TJP3: variants seen among roughly 807,000 people sequenced by gnomAD.
TJP3 encodes tight junction protein ZO-3.
TJP3 carries 85 observed loss-of-function variants against 104.2 expected under a neutral mutation model. The ratio of observed to expected loss-of-function variants is 0.82; its 90% confidence interval spans 0.68 to 0.98. The LOEUF is 0.98. TJP3 is among the 50% of genes least tolerant of loss of function. The pLI, the probability that TJP3 is intolerant of heterozygous loss-of-function variation, is 0.00. For synonymous variants in TJP3, 550 were observed against 550.6 expected (o/e 1.00, Z 0.02); for missense variants, 1,367 against 1,322.8 (o/e 1.03, Z -0.52).
intron 1 of TJP3, among the ~76,000 whole-genome samples, chr19:3,717,507 C>T (rs1177073804): frequency 6.6e-6 from 1 of 151,542 alleles, no homozygotes; most frequent in Non-Finnish European, 1.5e-5. Flanking sequence ...GTGATCTCAG[C>T]TCACTGCAAC....
At chr19:3,718,210 AAAG>A (rs2036503810) in intron 1 of TJP3, among the ~76,000 whole-genome samples, 2 of 89,818 alleles carry the variant, frequency 2.2e-5, no homozygotes, top group East Asian at 3.1e-4. Flanking sequence ...AAAAAAAAAA[AAAG>A]TGTGTGTGTG....
intron 3 of TJP3, among the ~76,000 whole-genome samples, chr19:3,729,439 G>C (rs2036640293): frequency 6.6e-6 from 1 of 152,104 alleles, no homozygotes; most frequent in South Asian, 2.1e-4. Context: ...AGCAGAAAGT[G>C]GGGATTTGTG....
rs1376669014 is a variant in TJP3, at chr19:3,716,808, T to A, written c.-10+8247T>A. ...ATATATATATATATATATATTTTTT[T>A]TTTTTTTTTGAAACAGAGTCTCAGT... On this transcript the variant is annotated intron_variant, in intron 1 of 20. Coordinates refer to ENST00000541714, the MANE Select transcript of TJP3 (RefSeq NM_001267560.2). Among the ~76,000 whole-genome samples, 76 of 132,874 alleles carry A rather than the reference T, an allele frequency of 5.7e-4. 1 individual carries two copies. The highest frequency in any genetic ancestry group is 3.8e-3 in the Middle Eastern group (1 of 266). The allele number at this position is 132,874 out of a possible 152,430, so 87.2% of individuals were successfully genotyped here.
In TJP3 at chr19:3,708,495, G is replaced by A. The variant is rs893958056; in HGVS notation, c.-76G>A. 1.3e-5 allele frequency: 2 copies of A among 152,174 alleles called. No homozygotes were observed. The highest frequency in any genetic ancestry group is 2.9e-5 in the Non-Finnish European group (2 of 68,046). 9.4% of individuals were successfully genotyped at this position (152,174 alleles called of 1,614,324 possible). On this transcript the variant is annotated 5_prime_UTR_variant, in exon 1 of 21. The change creates a new upstream start codon in the 5' untranslated region. Transcript: ENST00000541714. ...GCCTCGGGTTCCCTCCCCACCACCC[G>A]TGCCAGGCAGGCACCCGGGCCCTGG...
At chr19:3,748,187 A>G in intron 19 of TJP3, 106 bp downstream of exon 19, 1 of 1,375,186 alleles carries the variant, frequency 7.3e-7, no homozygotes. Context: ...GTCAACAAAC[A>G]CGGCTTCCCT....
intron 1 of TJP3, among the ~76,000 whole-genome samples, chr19:3,721,010 C>T (rs1376856926): frequency 6.7e-6 from 1 of 149,604 alleles, no homozygotes; most frequent in East Asian, 2.0e-4. Flanking sequence ...CGGGTTCAAC[C>T]GATTCTCCTT....
rs1441076982 is a variant in TJP3 at position 3,746,875 on chromosome 19, A to G, written c.2321A>G (p.Gln774Arg). ...CGGCCCATCTGGACGGCGGAAGATCAGGTACTGCCGCGGTGTGGGTGGGTC... is the reference window on the plus strand; with the variant it reads ...CGGCCCATCTGGACGGCGGAAGATCGGGTACTGCCGCGGTGTGGGTGGGTC... ...QTRPIWTAED[Q>R]LDGSLEDNLD... The change falls in exon 18 of 21, where the codon CAG (glutamine) becomes CGG (arginine). Residue 774 changes from glutamine to arginine, a missense_variant and splice_region_variant. Gln to Arg is a conservative substitution (Grantham distance 43). Transcript: ENST00000541714. This position sits in a 1 kb window ranked among gnomAD's most constrained non-coding sequence, Gnocchi z 4.1. The G allele has an allele frequency of 3.4e-6, 4 of 1,188,284 alleles. No homozygotes were observed. Among genetic ancestry groups the G allele is most frequent in the Admixed American group, 1.9e-5 (1 of 52,090 alleles). 73.6% of individuals were successfully genotyped at this position (1,188,284 alleles called of 1,614,324 possible).
chr19:3,716,345 T>C lies in TJP3; in HGVS notation c.-10+7784T>C, dbSNP rs188477062. Among the ~76,000 whole-genome samples the C allele has an allele frequency of 1.7e-3, 254 of 148,644 alleles. 8 individuals carry two copies. Among genetic ancestry groups the C allele is most frequent in the African/African-American group, 5.5e-3 (227 of 41,392 alleles). ...ATCTCAGCCTCTCAAAGTGCTGGAA[T>C]TACAGGTGTGAGTCACCGCGCTCGG... On this transcript the variant is annotated intron_variant, in intron 1 of 20. Coordinates refer to ENST00000541714, the MANE Select transcript of TJP3 (RefSeq NM_001267560.2).
intron 3 of TJP3, among the ~76,000 whole-genome samples, chr19:3,729,068 G>A (rs1395872756): frequency 6.6e-6 from 1 of 152,014 alleles, no homozygotes; most frequent in African/African-American, 2.4e-5. Context: ...GAAAGTAAGT[G>A]AGGTGAGGAG....
Position 3,748,082 on chromosome 19 carries a change from G to A in TJP3, c.2610+1G>A, listed in dbSNP as rs1315363612. On this transcript the variant is annotated splice_donor_variant, in intron 19 of 20. Coordinates refer to ENST00000541714, the MANE Select transcript of TJP3 (RefSeq NM_001267560.2). LOFTEE classifies it high-confidence loss of function. Reference sequence around the variant, plus strand: ...AATCTCGGCTCATCAGGGGGCCCAGGTGCGTCGGACATGGGGGGCAGGCCT... The same window carrying A: ...AATCTCGGCTCATCAGGGGGCCCAGATGCGTCGGACATGGGGGGCAGGCCT... The A allele has an allele frequency of 6.4e-7, 1 of 1,555,770 alleles. No individual in the cohort carries two copies. Among genetic ancestry groups the A allele is most frequent in the African/African-American group, 1.4e-5 (1 of 73,626 alleles).
chr19:3,746,387 G>A lies in TJP3; in HGVS notation c.2011-98G>A. 1.5e-6 allele frequency: 2 copies of A among 1,340,920 alleles called. No individual in the cohort carries two copies. The highest frequency in any genetic ancestry group is 2.7e-5 in the South Asian group (2 of 74,868). 83.1% of individuals were successfully genotyped at this position (1,340,920 alleles called of 1,614,324 possible). On this transcript the variant is annotated intron_variant, in intron 16 of 20. Coordinates refer to ENST00000541714, the MANE Select transcript of TJP3 (RefSeq NM_001267560.2). The surrounding 1 kb of genome is among the most constrained non-coding windows in gnomAD (Gnocchi z 4.1). ...CTAGCCTGTGGATGTGAGAGGCTGG[G>A]GTCCACTCTGACCTCAGACTCTTCA...
intron 1 of TJP3, among the ~76,000 whole-genome samples, chr19:3,727,209 C>T (rs963034956): frequency 1.3e-5 from 2 of 151,932 alleles, no homozygotes; most frequent in African/African-American, 4.8e-5. Flanking sequence ...TAAGGCTGGG[C>T]GCGGTGGCTC....
At chr19:3,716,873 A>G (rs2145665667) in intron 1 of TJP3, among the ~76,000 whole-genome samples, 1 of 136,320 alleles carries the variant, frequency 7.3e-6, no homozygotes, top group South Asian at 2.6e-4. Context: ...ATCTCGGCTC[A>G]CTGCACCCTC....
chr19:3,714,118 T>G (rs2036456574), intron 1 of TJP3, among the ~76,000 whole-genome samples: 1 of 151,898 alleles, frequency 6.6e-6, no homozygotes, highest in South Asian at 2.1e-4. Flanking sequence ...TGGCGCAATC[T>G]TGGCTCACTG....
intron 5 of TJP3, among the ~76,000 whole-genome samples, chr19:3,731,265 T>G (rs1420070026): frequency 6.6e-6 from 1 of 152,036 alleles, no homozygotes; most frequent in Non-Finnish European, 1.5e-5. Flanking sequence ...GCAGATGGGA[T>G]GGAGTGAAGG....
intron 1 of TJP3, among the ~76,000 whole-genome samples, chr19:3,726,358 G>A (rs2036595726): frequency 6.6e-6 from 1 of 152,204 alleles, no homozygotes; most frequent in Non-Finnish European, 1.5e-5. Context: ...AGCACTTTGG[G>A]AGGCCAAGGC....
At chr19:3,720,427 G>A (rs539577514) in intron 1 of TJP3, among the ~76,000 whole-genome samples, 4 of 152,166 alleles carry the variant, frequency 2.6e-5, no homozygotes, top group South Asian at 2.1e-4. Flanking sequence ...CCCCAGCTAC[G>A]ATGCCCCCTC....
chr19:3,718,212 AGTGTGTGTGTGTGT>A lies in TJP3; in HGVS notation c.-10+9682_-10+9695del, dbSNP rs71339057. Among the ~76,000 whole-genome samples, 12 of 48,270 alleles carry A rather than the reference AGTGTGTGTGTGTGT, an allele frequency of 2.5e-4. No individual in the cohort carries two copies. The East Asian group carries it at 2.5e-3, about 10-fold the overall frequency. The allele number at this position is 48,270 out of a possible 152,430, so 31.7% of individuals were successfully genotyped here. On this transcript the variant is annotated intron_variant, in intron 1 of 20. Coordinates refer to ENST00000541714, the MANE Select transcript of TJP3 (RefSeq NM_001267560.2). ...AACTCAAAAAAAAAAAAAAAAAAAA[AGTGTGTGTGTGTGT>A]GTGTGTGTGTGTGTGTGTGTGTGTG... is the stretch of plus-strand genomic sequence containing the variant.
chr19:3,739,257 T>C, intron 13 of TJP3, 123 bp downstream of exon 13: 2 of 832,588 alleles, frequency 2.4e-6, no homozygotes, highest in Non-Finnish European at 1.8e-6. Context: ...TTTGGGAGGC[T>C]GAAGTGGGCA....
Sources: gnomAD v4.1 joint callset for allele counts (sites outside exome capture counted in the v4.1 genomes callset) on GRCh38, gnomAD v4.1.1 for gene constraint, Gnocchi (gnomAD v3.1) non-coding constraint, MANE v1.5 for transcripts, NCBI Gene and HGNC (gene_info 2026-07-23, HGNC 2026-07-21) for gene names.